PER2: variants seen among roughly 807,000 people sequenced by gnomAD.
PER2 encodes period circadian regulator 2, also known as period circadian protein homolog 2.
In PER2, 66 loss-of-function variants were observed where a neutral mutation model predicts 121.0. The ratio of observed to expected loss-of-function variants is 0.55; its 90% CI spans 0.45 to 0.67. The LOEUF is 0.67. Ranked by LOEUF, PER2 falls within the 30% of genes least tolerant of loss-of-function variation. The pLI, the probability that PER2 is intolerant of heterozygous loss-of-function variation, is 0.00. For synonymous variants in PER2, 684 were observed against 659.9 expected, an observed-to-expected ratio of 1.04 and a Z score of -0.56; for missense variants, 1,521 against 1,635.0, an observed-to-expected ratio of 0.93 and a Z score of 1.20.
chr2:238,287,866 T>C (rs1696835038), intron 1 of PER2, among the ~76,000 whole-genome samples: 1 of 152,202 alleles, frequency 6.6e-6, no homozygotes, highest in Non-Finnish European at 1.5e-5. Flanking sequence ...GGTCTATGTC[T>C]GGGACTTGGC....
chr2:238,284,256 A>C (rs2106331404), intron 1 of PER2, among the ~76,000 whole-genome samples: 1 of 152,212 alleles, frequency 6.6e-6, no homozygotes, highest in Non-Finnish European at 1.5e-5. Flanking sequence ...CAGCCAGACC[A>C]ATATGGTGAA....
At chr2:238,251,525 C>T (rs1414786308) in intron 20 of PER2, 74 bp downstream of exon 20, 9 of 1,385,260 alleles carry the variant, frequency 6.5e-6, no homozygotes, top group Admixed American at 5.0e-5. Context: ...GCACAGAGGC[C>T]GGCCTGTGAC....
upstream of PER2, among the ~76,000 whole-genome samples, chr2:238,292,171 AAAG>A (rs1433722105): frequency 2.0e-5 from 3 of 152,250 alleles, no homozygotes; most frequent in Non-Finnish European, 2.9e-5. Flanking sequence ...CTTTTCAAAA[AAAG>A]AAGAAGGCAT....
intron 5 of PER2, among the ~76,000 whole-genome samples, chr2:238,272,083 AC>A (rs1416289061): frequency 6.6e-6 from 1 of 152,000 alleles, no homozygotes; most frequent in Admixed American, 6.5e-5. Flanking sequence ...ACTAAAGAAA[AC>A]CTGTCTTTGA....
At chr2:238,292,740 CT>C (rs1189740145), upstream of PER2, among the ~76,000 whole-genome samples, 346 of 137,674 alleles carry the variant, frequency 2.5e-3, no homozygotes, top group Admixed American at 4.0e-3. Flanking sequence ...TTTTCTTTCT[CT>C]TTTTTTTTTT....
chr2:238,294,745 C>G (rs1446075543), upstream of PER2, among the ~76,000 whole-genome samples: 1 of 152,206 alleles, frequency 6.6e-6, no homozygotes, highest in Admixed American at 6.5e-5. Flanking sequence ...CCACCCTGCC[C>G]CTATGAAGCC....
At chr2:238,276,146 G>T (rs1696448556) in intron 3 of PER2, among the ~76,000 whole-genome samples, 1 of 148,484 alleles carries the variant, frequency 6.7e-6, no homozygotes, top group African/African-American at 2.5e-5. Context: ...GTGGCCCTTT[G>T]TGGGGCTCTG....
At chr2:238,263,258 C>T (rs1186901502) in intron 9 of PER2, among the ~76,000 whole-genome samples, 200 bp from the exon 10 acceptor site, 1 of 151,348 alleles carries the variant, frequency 6.6e-6, no homozygotes, top group Admixed American at 6.6e-5. Context: ...GTCCAGGACG[C>T]TGAAGGAGGC....
In PER2 at chr2:238,245,729, C is replaced by A; in HGVS notation, c.*646G>T. The A allele has an allele frequency of 2.5e-6, 1 of 398,478 alleles. No individual in the cohort carries two copies. 24.7% of individuals were successfully genotyped at this position (398,478 alleles called of 1,614,324 possible). A position where few individuals can be genotyped will look rare whatever the true frequency, so the allele number is the denominator to read the frequency against. ...ACCACTAGGCTTCTTTAGTCCAGAG[C>A]AAATGTTTCAACTTTGTTCACTACA... On this transcript the variant is annotated 3_prime_UTR_variant, in exon 23 of 23. Transcript: ENST00000254657.
the PER2 span, chr2:238,299,062 G>C: frequency 2.6e-5 from 4 of 152,366 alleles, no homozygotes; most frequent in African/African-American, 9.6e-5. Flanking sequence ...CCTGAGGTCA[G>C]GAGTTCGAGA....
rs559307271 is a variant in PER2 at position 238,261,711 on chromosome 2, T to G, written c.1416+18A>C. 6.6e-7 allele frequency: 1 copy of G among 1,511,704 alleles called. No homozygotes were observed. Among genetic ancestry groups the G allele is most frequent in the African/African-American group, 1.4e-5 (1 of 72,294 alleles). 93.6% of individuals were successfully genotyped at this position (1,511,704 alleles called of 1,614,324 possible). A position where few individuals can be genotyped will look rare whatever the true frequency, so the allele number is the denominator to read the frequency against. The stretch of plus-strand genomic sequence containing the variant: ...CAGGCTGCTACCTGGGAGGAGGACA[T>G]GCAGGCACCACACCCACCTGCAGCA... On this transcript the variant is annotated intron_variant, in intron 12 of 22. Transcript: ENST00000254657.
Position 238,268,098 on chromosome 2 carries a change from A to C in PER2, c.925T>G (p.Cys309Gly). Residue 309 changes from cysteine to glycine, a missense_variant, in exon 8 of 23, where the codon TGC (cysteine) becomes GGC (glycine). Transcript: ENST00000254657. The surrounding 1 kb of genome is among the most constrained non-coding windows in gnomAD (Gnocchi z 4.0). ...RDQQGAESQL[C>G]CLLLAERVHS... ...ACTCTCTCTGCCAGCAGAAGGCAGC[A>C]AAGCTGACTCTCAGCACCTTGTTGG... is the stretch of plus-strand genomic sequence containing the variant. The C allele has an allele frequency of 6.2e-7, 1 of 1,614,170 alleles. No homozygotes were observed. The highest frequency in any genetic ancestry group is 8.5e-7 in the Non-Finnish European group (1 of 1,180,024).
At chr2:238,251,499 G>T in intron 20 of PER2, 100 bp downstream of exon 20, 2 of 1,084,014 alleles carry the variant, frequency 1.8e-6, no homozygotes, top group Non-Finnish European at 2.8e-6. Flanking sequence ...GGGAGTGCCG[G>T]TGATCCCTGT....
chr2:238,256,071 G>A (rs1695752102), intron 17 of PER2, among the ~76,000 whole-genome samples, 160 bp from the exon 18 acceptor site: 1 of 152,262 alleles, frequency 6.6e-6, no homozygotes, highest in Non-Finnish European at 1.5e-5. Flanking sequence ...TTAGCTTTCT[G>A]AGAAAGTTCA....
rs2106373923 is a variant in PER2 at position 238,258,664 on chromosome 2, G to A, written c.1628-20C>T. On this transcript the variant is annotated intron_variant, in intron 14 of 22. Coordinates refer to ENST00000254657, the MANE Select transcript of PER2 (RefSeq NM_022817.3). ...GCATTTCTGAAGGAATGGCAAAATTGTTCTTTCATTCATTTTTCTCCCACA... is the reference window on the plus strand; with the variant it reads ...GCATTTCTGAAGGAATGGCAAAATTATTCTTTCATTCATTTTTCTCCCACA... 2 of 1,612,780 alleles carry A rather than the reference G, an allele frequency of 1.2e-6. No homozygotes were observed. The highest frequency in any genetic ancestry group is 2.2e-5 in the East Asian group (1 of 44,886).
chr2:238,276,151 G>A (rs1696448905), intron 3 of PER2, among the ~76,000 whole-genome samples: 1 of 148,672 alleles, frequency 6.7e-6, no homozygotes, highest in Admixed American at 6.7e-5. Context: ...CCTTTGTGGG[G>A]CTCTGTAGAT....
intron 13 of PER2, 105 bp from the exon 14 acceptor site, chr2:238,260,158 G>C (rs979454863): frequency 6.1e-5 from 40 of 660,174 alleles, no homozygotes; most frequent in Admixed American, 3.6e-4. Context: ...CAGCAACACA[G>C]AAGGAAACTG....
At chr2:238,262,860 C>T in intron 10 of PER2, 92 bp downstream of exon 10, 1 of 855,572 alleles carries the variant, frequency 1.2e-6, no homozygotes, top group Non-Finnish European at 2.0e-6. Context: ...CTGATCTGAC[C>T]TGTCAGAGCT....
Position 238,253,191 on chromosome 2 carries a change from G to T in PER2, c.2832C>A (p.Ala944=), listed in dbSNP as rs764368089. The change falls in exon 19 of 23, where the codon GCC becomes GCA. Residue 944 remains alanine, a synonymous_variant. Coordinates refer to ENST00000254657, the MANE Select transcript of PER2 (RefSeq NM_022817.3). The surrounding 1 kb of genome is among the most constrained non-coding windows in gnomAD (Gnocchi z 5.6). ...HPTLTSEMAS[A]SQPEFPSRTS... ...TCCGGCTGGGGAACTCAGGCTGTGA[G>T]GCAGAGGCCATCTCGGATGTGAGTG... is the stretch of plus-strand genomic sequence containing the variant. 6.3e-7 allele frequency: 1 copy of T among 1,594,668 alleles called. No individual in the cohort carries two copies. The highest frequency in any genetic ancestry group is 1.1e-5 in the South Asian group (1 of 88,476).
Sources: allele counts gnomAD v4.1 joint callset (sites outside exome capture counted in the v4.1 genomes callset), GRCh38; gene constraint gnomAD v4.1.1; non-coding constraint Gnocchi (gnomAD v3.1); transcripts MANE v1.5; gene names NCBI Gene and HGNC (gene_info 2026-07-23, HGNC 2026-07-21).